The following TRPM2 variants were observed in gnomAD, a reference collection of about 807,000 sequenced individuals.
TRPM2 encodes estrogen-responsive element-associated gene 1 protein.
TRPM2 carries 161 observed loss-of-function variants against 174.0 expected under a neutral mutation model. The observed-to-expected ratio is 0.93, with a 90% CI of 0.81 to 1.05. TRPM2 has a LOEUF of 1.05. Ranked by LOEUF, TRPM2 falls within the 50% of genes least tolerant of loss-of-function variation. The pLI is 0.00. For missense variants in TRPM2, 2,057 were observed against 2,038.0 expected, an observed-to-expected ratio of 1.01 and a Z score of -0.18; for synonymous variants, 954 against 861.3, an observed-to-expected ratio of 1.11 and a Z score of -1.88.
At chr21:44,422,185 G>A in intron 22 of TRPM2, 6 of 1,451,822 alleles carry the variant, frequency 4.1e-6, no homozygotes. Flanking sequence ...GAAGAAGCTG[G>A]GCACCTGGGA....
At chr21:44,369,530 G>C (rs368149802) in intron 5 of TRPM2, among the ~76,000 whole-genome samples, 187 bp downstream of exon 5, 63 of 111,636 alleles carry the variant, frequency 5.6e-4, no homozygotes, top group African/African-American at 1.5e-3. Context: ...GGTGCTGCGG[G>C]GAGCAGGTGG....
At chr21:44,358,251 A>G (rs1406290330) in intron 2 of TRPM2, among the ~76,000 whole-genome samples, 1 of 152,142 alleles carries the variant, frequency 6.6e-6, no homozygotes, top group African/African-American at 2.4e-5. Flanking sequence ...TTTTGCCACC[A>G]TGGATCTCAT....
Position 44,397,735 on chromosome 21 carries a change from T to A in TRPM2, c.1933-12T>A, listed in dbSNP as rs199655558. ...GGCTCTTTAGTCTCACGGTGGCTCC[T>A]CTGGTCCCCAGAGCCAGGACTGCAT... On this transcript the variant is annotated splice_polypyrimidine_tract_variant and intron_variant, in intron 12 of 31. Coordinates refer to ENST00000397928, the MANE Select transcript of TRPM2 (RefSeq NM_003307.4). 4 of 1,562,988 alleles carry A rather than the reference T, an allele frequency of 2.6e-6. No homozygotes were observed. The African/African-American group carries it at 5.4e-5, about 21-fold the overall frequency.
At chr21:44,435,091 T>G in intron 27 of TRPM2, 40 bp from the exon 28 acceptor site, 14 of 1,585,380 alleles carry the variant, frequency 8.8e-6, no homozygotes, top group African/African-American at 1.3e-5. Flanking sequence ...TGCTCCCCCA[T>G]TGGTGGACGG....
intron 16 of TRPM2, among the ~76,000 whole-genome samples, chr21:44,403,811 G>C (rs1272685905): frequency 6.8e-6 from 1 of 146,924 alleles, no homozygotes; most frequent in African/African-American, 2.5e-5. Flanking sequence ...ATAAACACAT[G>C]TATACACATG....
intron 20 of TRPM2, chr21:44,416,085 G>C (rs1389482924): frequency 6.6e-6 from 1 of 152,132 alleles, no homozygotes; most frequent in Admixed American, 6.5e-5. Context: ...GCACGGCTGC[G>C]GAGCTGTCAT....
At chr21:44,410,055 G>A (rs112658743) in intron 19 of TRPM2, among the ~76,000 whole-genome samples, 84,933 of 126,470 alleles carry the variant, frequency 0.67, 28,695 homozygotes, top group East Asian at 0.74. Context: ...AGTTTTGATC[G>A]CGCTGTCTTG....
At position 44,391,092 on chromosome 21, in the gene TRPM2, G is replaced by C; in HGVS notation, c.1440+67G>C. 6.2e-7 allele frequency: 1 copy of C among 1,604,144 alleles called. No homozygotes were observed. Among genetic ancestry groups the C allele is most frequent in the Non-Finnish European group, 8.5e-7 (1 of 1,173,266 alleles). ...CACATGCATTGCACCACTGAAGCAA[G>C]GGCAGGCAAAGTTCGCATTGTCTGG... On this transcript the variant is annotated intron_variant, in intron 10 of 31. Transcript: ENST00000397928. This position sits in a 1 kb window ranked among gnomAD's most constrained non-coding sequence, Gnocchi z 5.0.
rs956836047 is a variant in TRPM2 at position 44,422,680 on chromosome 21, A to G, written c.3462-965A>G. On this transcript the variant is annotated intron_variant, in intron 22 of 31. Transcript: ENST00000397928. ...GAGCTGGAGACTCGGGTTTGCCCAC[A>G]GAGTTATTTTAACCATAAACACAGC... Among the ~76,000 whole-genome samples, 8 of 152,236 alleles carry G rather than the reference A, an allele frequency of 5.3e-5. No homozygotes were observed. In the South Asian group the frequency reaches 8.3e-4, roughly 16 times the overall value.
At chr21:44,358,230 T>C (rs2048112869) in intron 2 of TRPM2, among the ~76,000 whole-genome samples, 3 of 152,172 alleles carry the variant, frequency 2.0e-5, no homozygotes, top group Non-Finnish European at 2.9e-5. Context: ...GTCCAGACCT[T>C]TGTGCTCACA....
rs139685051 is a variant in TRPM2 at position 44,439,130 on chromosome 21, T to C, written c.4231T>C (p.Trp1411Arg). The C allele has an allele frequency of 1.6e-5, 26 of 1,613,734 alleles. No homozygotes were observed. In the African/African-American group the frequency reaches 2.9e-4, roughly 18 times the overall value. Residue 1411 changes from tryptophan to arginine, a missense_variant, in exon 30 of 32, where the codon TGG (tryptophan) becomes CGG (arginine). Coordinates refer to ENST00000397928, the MANE Select transcript of TRPM2 (RefSeq NM_003307.4). This position sits in a 1 kb window ranked among gnomAD's most constrained non-coding sequence, Gnocchi z 5.1. ...GAAGCGGATCCTCCGGCAGGAGCACTGGCCGTCTTTTGAAAACTTGCTGAA... is the reference window on the plus strand; with the variant it reads ...GAAGCGGATCCTCCGGCAGGAGCACCGGCCGTCTTTTGAAAACTTGCTGAA... Reference protein sequence around the residue: ...KLKRILRQEHWPSFENLLKCG... With the variant: ...KLKRILRQEHRPSFENLLKCG...
chr21:44,433,805 G>C (rs1015918724), intron 27 of TRPM2, among the ~76,000 whole-genome samples: 1 of 152,186 alleles, frequency 6.6e-6, no homozygotes, highest in Non-Finnish European at 1.5e-5. Context: ...TACACACTGG[G>C]CATGTTCTGG....
chr21:44,382,970 G>A, intron 9 of TRPM2, 150 bp downstream of exon 9: 1 of 721,196 alleles, frequency 1.4e-6, no homozygotes, highest in Admixed American at 2.6e-5. Context: ...CTGGCGACGT[G>A]CAGGTGGGCG....
At chr21:44,370,978 C>A (rs2048523169) in intron 5 of TRPM2, among the ~76,000 whole-genome samples, 1 of 152,242 alleles carries the variant, frequency 6.6e-6, no homozygotes, top group Admixed American at 6.5e-5. Context: ...CCGGCTGCCG[C>A]CCTCCCTTAG....
Position 44,367,684 on chromosome 21 carries a change from T to C in TRPM2, c.604+750T>C, listed in dbSNP as rs1021727177. ...ACTACTTGGCAATGTTGCGTCCGGA[T>C]GGGCCTAGAGTCACCCTGCTCTTCC... On this transcript the variant is annotated intron_variant, in intron 4 of 31. Coordinates refer to ENST00000397928, the MANE Select transcript of TRPM2 (RefSeq NM_003307.4). The surrounding 1 kb of genome is among the most constrained non-coding windows in gnomAD (Gnocchi z 4.6). Among the ~76,000 whole-genome samples, 29 of 152,220 alleles carry C rather than the reference T, an allele frequency of 1.9e-4. No individual in the cohort carries two copies. Among genetic ancestry groups the C allele is most frequent in the African/African-American group, 7.0e-4 (29 of 41,462 alleles).
intron 11 of TRPM2, among the ~76,000 whole-genome samples, chr21:44,394,145 A>G (rs551095544): frequency 6.6e-6 from 1 of 152,210 alleles, no homozygotes; most frequent in South Asian, 2.1e-4. Flanking sequence ...CTGGGATTAC[A>G]GGCGTGAGCC....
chr21:44,362,348 C>CAAAAAAAACAAAAAAAAAA (rs2048235286), intron 2 of TRPM2, among the ~76,000 whole-genome samples: 1 of 89,286 alleles, frequency 1.1e-5, no homozygotes, highest in Non-Finnish European at 2.3e-5. Flanking sequence ...ACTAAAAATA[C>CAAAAAAAACAAAAAAAAAA]AAAAAAAAAA....
At chr21:44,425,366 G>A in intron 24 of TRPM2, 1 of 410,086 alleles carries the variant, frequency 2.4e-6, no homozygotes, top group East Asian at 3.6e-5. Flanking sequence ...AGTTTCGCCG[G>A]CCCTCAAGGA....
intron 15 of TRPM2, 90 bp downstream of exon 15, chr21:44,400,461 C>A: frequency 9.1e-7 from 1 of 1,100,840 alleles, no homozygotes; most frequent in African/African-American, 1.5e-5. Context: ...TAGATCCCCT[C>A]GCTGGGAGCA....
Sources: allele counts gnomAD v4.1 joint callset (sites outside exome capture counted in the v4.1 genomes callset), GRCh38; gene constraint gnomAD v4.1.1; non-coding constraint Gnocchi (gnomAD v3.1); transcripts MANE v1.5; gene names NCBI Gene and HGNC (gene_info 2026-07-23, HGNC 2026-07-21).